Variants in ADAMTSL1 observed in about 807,000 individuals in gnomAD.
ADAMTSL1 encodes ADAMTS-like protein 1.
Under a neutral mutation model 201.8 loss-of-function variants are expected in ADAMTSL1, and 126 were observed. The ratio of observed to expected loss-of-function variants is 0.62; its 90% CI spans 0.54 to 0.72. ADAMTSL1 has a LOEUF of 0.72. Among genes scored for constraint, ADAMTSL1 ranks in the 30% least tolerant of loss-of-function variants. The pLI is 0.00. For missense variants in ADAMTSL1, 2,679 were observed against 2,277.8 expected (o/e 1.18, Z -3.59); for synonymous variants, 1,121 against 903.4 (o/e 1.24, Z -4.32).
chr9:18,299,544 C>G (rs182764704), intron 2 of ADAMTSL1, among the ~76,000 whole-genome samples: 2 of 152,114 alleles, frequency 1.3e-5, no homozygotes, highest in African/African-American at 4.8e-5. Context: ...GGAGAGAACA[C>G]AAGGAACAGG....
intron 2 of ADAMTSL1, among the ~76,000 whole-genome samples, chr9:18,286,956 T>C (rs1384973734): frequency 6.6e-6 from 1 of 152,136 alleles, no homozygotes; most frequent in Admixed American, 6.6e-5. Flanking sequence ...TAAAAACAAC[T>C]TAAGAGATAA....
intron 2 of ADAMTSL1, among the ~76,000 whole-genome samples, chr9:18,528,569 G>C (rs987777149): frequency 6.6e-6 from 1 of 152,056 alleles, no homozygotes; most frequent in African/African-American, 2.4e-5. Flanking sequence ...AGTATTCCAT[G>C]GTGTATATGG....
intron 1 of ADAMTSL1, among the ~76,000 whole-genome samples, chr9:18,036,545 G>T (rs933037737): frequency 5.3e-5 from 8 of 152,138 alleles, no homozygotes; most frequent in African/African-American, 1.9e-4. Flanking sequence ...GTTTGGTTTG[G>T]CATTAGCTAA....
intron 9 of ADAMTSL1, among the ~76,000 whole-genome samples, chr9:18,662,472 A>G (rs1213287668): frequency 6.6e-6 from 1 of 152,234 alleles, no homozygotes; most frequent in Non-Finnish European, 1.5e-5. Flanking sequence ...GATCAGGGAC[A>G]AGATCAGAGC....
chr9:18,152,371 T>G (rs1004729378), intron 1 of ADAMTSL1, among the ~76,000 whole-genome samples: 1 of 152,012 alleles, frequency 6.6e-6, no homozygotes, highest in Non-Finnish European at 1.5e-5. Context: ...AGTATATGAA[T>G]GCAGGAAATA....
chr9:18,131,748 C>T (rs1439406476), intron 1 of ADAMTSL1, among the ~76,000 whole-genome samples: 1 of 151,966 alleles, frequency 6.6e-6, no homozygotes, highest in Non-Finnish European at 1.5e-5. Flanking sequence ...GGTGATGACT[C>T]CCGAATAAAA....
intron 2 of ADAMTSL1, among the ~76,000 whole-genome samples, chr9:18,370,287 A>T (rs1238969503): frequency 6.6e-6 from 1 of 152,068 alleles, no homozygotes; most frequent in Non-Finnish European, 1.5e-5. Flanking sequence ...TCTCAAAAAA[A>T]AAAAAAGAGG....
intron 4 of ADAMTSL1, among the ~76,000 whole-genome samples, chr9:18,592,763 CTT>C (rs1156439161): frequency 6.6e-6 from 1 of 152,028 alleles, no homozygotes; most frequent in Non-Finnish European, 1.5e-5. Context: ...TGAAGAATGT[CTT>C]TGGTATTTTG....
chr9:18,315,092 C>G (rs932603500), intron 2 of ADAMTSL1, among the ~76,000 whole-genome samples: 1 of 152,068 alleles, frequency 6.6e-6, no homozygotes, highest in Admixed American at 6.5e-5. Context: ...CTGACCCTAC[C>G]CACATCCTGC....
At chr9:18,214,730 G>A (rs1944768) in intron 2 of ADAMTSL1, among the ~76,000 whole-genome samples, 1 of 151,992 alleles carries the variant, frequency 6.6e-6, no homozygotes, top group African/African-American at 2.4e-5. Context: ...TATCAAAGTA[G>A]AGTTACTTCA....
intron 1 of ADAMTSL1, among the ~76,000 whole-genome samples, chr9:17,946,187 A>G (rs1037873211): frequency 6.6e-6 from 1 of 150,378 alleles, no homozygotes; most frequent in Non-Finnish European, 1.5e-5. Flanking sequence ...TTGAGTAGAG[A>G]TGAGGTCTTC....
intron 5 of ADAMTSL1, among the ~76,000 whole-genome samples, chr9:18,625,358 C>T (rs561158525): frequency 7.2e-5 from 11 of 151,924 alleles, no homozygotes; most frequent in Admixed American, 5.2e-4. Context: ...GTAGAATGTG[C>T]CAGAAGGATA....
chr9:18,701,212 CTTTTTTTTTTT>C (rs35537367), intron 13 of ADAMTSL1, among the ~76,000 whole-genome samples: 8 of 87,698 alleles, frequency 9.1e-5, no homozygotes, highest in African/African-American at 3.3e-4. Flanking sequence ...CTTTTGGGTT[CTTTTTTTTTTT>C]TTTTTTTTTT....
At chr9:18,751,278 T>G (rs1034353335) in intron 15 of ADAMTSL1, among the ~76,000 whole-genome samples, 1 of 152,236 alleles carries the variant, frequency 6.6e-6, no homozygotes. Flanking sequence ...CTTCTATTCA[T>G]TTAAAACTTT....
At chr9:18,200,364 A>G (rs752698670) in intron 2 of ADAMTSL1, among the ~76,000 whole-genome samples, 2 of 151,850 alleles carry the variant, frequency 1.3e-5, no homozygotes, top group Non-Finnish European at 2.9e-5. Context: ...TACTCATTTG[A>G]TTCTCTTTTG....
intron 2 of ADAMTSL1, among the ~76,000 whole-genome samples, chr9:18,193,458 G>C (rs1448154601): frequency 6.6e-6 from 1 of 152,082 alleles, no homozygotes; most frequent in African/African-American, 2.4e-5. Flanking sequence ...AAGCTCCTTT[G>C]CCTTGGAAGA....
At chr9:18,781,712 T>G (rs891211176) in intron 19 of ADAMTSL1, among the ~76,000 whole-genome samples, 1 of 152,218 alleles carries the variant, frequency 6.6e-6, no homozygotes, top group Admixed American at 6.5e-5. Flanking sequence ...AGTCTGTTTT[T>G]GCTAAAGGCC....
intron 14 of ADAMTSL1, among the ~76,000 whole-genome samples, chr9:18,709,532 T>C (rs537279797): frequency 6.6e-6 from 1 of 152,310 alleles, no homozygotes; most frequent in African/African-American, 2.4e-5. Flanking sequence ...CAGAAGGAAC[T>C]AGTTAGTAAT....
intron 26 of ADAMTSL1, 188 bp from the exon 27 acceptor site, chr9:18,905,594 C>G: frequency 1.7e-6 from 1 of 572,918 alleles, no homozygotes; most frequent in Non-Finnish European, 3.1e-6. Flanking sequence ...CACAGGAAAT[C>G]TAACCATCCC....
Sources: gnomAD v4.1 joint callset for allele counts (sites outside exome capture counted in the v4.1 genomes callset) on GRCh38, gnomAD v4.1.1 for gene constraint, MANE v1.5 for transcripts, NCBI Gene and HGNC (gene_info 2026-07-23, HGNC 2026-07-21) for gene names.